VPS35L: variants seen among roughly 807,000 people sequenced by gnomAD.
The protein encoded by VPS35L is VPS35 endosomal protein sorting factor like.
In VPS35L, 83 loss-of-function variants were observed where a neutral mutation model predicts 133.0. The observed-to-expected ratio is 0.62, with a 90% CI of 0.52 to 0.75. The LOEUF (loss-of-function observed/expected upper bound fraction) is 0.75. Among genes scored for constraint, VPS35L ranks in the 30% least tolerant of loss-of-function variants. The pLI is 0.00. For missense variants in VPS35L, 1,083 were observed against 1,206.8 expected (o/e 0.90, Z 1.52); for synonymous variants, 423 against 449.9 (o/e 0.94, Z 0.76).
intron 8 of VPS35L, among the ~76,000 whole-genome samples, chr16:19,599,190 A>T (rs892081067): frequency 6.6e-6 from 1 of 152,246 alleles, no homozygotes; most frequent in Non-Finnish European, 1.5e-5. Flanking sequence ...AGTGCTTCTC[A>T]TACTCAGCTG....
chr16:19,628,375 A>G (rs1483689247), intron 16 of VPS35L, among the ~76,000 whole-genome samples: 1 of 152,198 alleles, frequency 6.6e-6, no homozygotes, highest in Non-Finnish European at 1.5e-5. Context: ...ACAAAAGGAT[A>G]TATCTTCATT....
At chr16:19,645,819 A>C (rs1312381275) in intron 23 of VPS35L, among the ~76,000 whole-genome samples, 2 of 152,258 alleles carry the variant, frequency 1.3e-5, no homozygotes, top group Non-Finnish European at 2.9e-5. Context: ...GTCCTGAAGC[A>C]GCTGATGCAG....
intron 26 of VPS35L, among the ~76,000 whole-genome samples, chr16:19,653,568 C>G (rs187368075): frequency 5.3e-5 from 8 of 152,332 alleles, no homozygotes; most frequent in Non-Finnish European, 8.8e-5. Flanking sequence ...AAGGCCATGC[C>G]CCTTCACCAC....
At chr16:19,606,639 T>A (rs1972545369) in intron 9 of VPS35L, among the ~76,000 whole-genome samples, 1 of 152,210 alleles carries the variant, frequency 6.6e-6, no homozygotes, top group Non-Finnish European at 1.5e-5. Flanking sequence ...TTTGATCACC[T>A]TCATATACTA....
At chr16:19,662,617 G>C (rs1184872858) in intron 26 of VPS35L, among the ~76,000 whole-genome samples, 1 of 152,128 alleles carries the variant, frequency 6.6e-6, no homozygotes, top group Non-Finnish European at 1.5e-5. Context: ...GATGATCAAA[G>C]GTCGGTCTTA....
At chr16:19,575,561 T>TAAA (rs376319436) in intron 5 of VPS35L, among the ~76,000 whole-genome samples, 1 of 126,572 alleles carries the variant, frequency 7.9e-6, no homozygotes, top group Non-Finnish European at 1.7e-5. Flanking sequence ...AATGCCGTCT[T>TAAA]AAAAAAAAAA....
intron 22 of VPS35L, among the ~76,000 whole-genome samples, chr16:19,642,771 C>T (rs564054708): frequency 6.6e-6 from 1 of 152,220 alleles, no homozygotes; most frequent in African/African-American, 2.4e-5. Flanking sequence ...CTGAGAGCAG[C>T]AGATAGTGTA....
chr16:19,618,912 T>C (rs972396024), intron 14 of VPS35L, among the ~76,000 whole-genome samples: 1 of 150,738 alleles, frequency 6.6e-6, no homozygotes, highest in African/African-American at 2.4e-5. Flanking sequence ...TATTTTTCTT[T>C]GCCTATCTGT....
At chr16:19,635,827 G>T in intron 19 of VPS35L, among the ~76,000 whole-genome samples, 1 of 152,180 alleles carries the variant, frequency 6.6e-6, no homozygotes, top group East Asian at 1.9e-4. Flanking sequence ...TTTGGGTAAA[G>T]AATATATGGG....
chr16:19,581,708 T>C (rs739640), intron 7 of VPS35L, 55 bp downstream of exon 7: 17,858 of 1,464,100 alleles, frequency 0.012, 149 homozygotes, highest in Middle Eastern at 0.022. Flanking sequence ...AAAATTCCAC[T>C]GTGAGACTTA....
intron 21 of VPS35L, among the ~76,000 whole-genome samples, chr16:19,640,821 C>T (rs1973763967): frequency 6.6e-6 from 1 of 152,196 alleles, no homozygotes; most frequent in Non-Finnish European, 1.5e-5. Context: ...TTACGGTTCA[C>T]TGCAGCTTTG....
chr16:19,594,558 C>T (rs867239142), intron 8 of VPS35L, among the ~76,000 whole-genome samples: 3 of 140,106 alleles, frequency 2.1e-5, no homozygotes, highest in African/African-American at 5.3e-5. Context: ...GCAGGAGAAT[C>T]GCTTGAACCC....
Position 19,608,293 on chromosome 16 carries a change from T to C in VPS35L, c.881+19T>C. 1.4e-6 allele frequency: 2 copies of C among 1,454,436 alleles called. No homozygotes were observed. Among genetic ancestry groups the C allele is most frequent in the East Asian group, 4.5e-5 (2 of 44,124 alleles). 90.1% of individuals were successfully genotyped at this position (1,454,436 alleles called of 1,614,324 possible). A position where few individuals can be genotyped will look rare whatever the true frequency, so the allele number is the denominator to read the frequency against. On this transcript the variant is annotated intron_variant, in intron 10 of 30. Coordinates refer to ENST00000417362, the MANE Select transcript of VPS35L (RefSeq NM_020314.7). ...CAAGATTGTATCCTTTTTTTTTTTT[T>C]TGGTCTGATGATTTTAAAGATAGGC...
At chr16:19,584,694 GT>G (rs887257382) in intron 7 of VPS35L, among the ~76,000 whole-genome samples, 2 of 137,846 alleles carry the variant, frequency 1.5e-5, no homozygotes, top group African/African-American at 5.4e-5. Flanking sequence ...CTTTCTTTTT[GT>G]TTTTTTTTAT....
chr16:19,659,539 G>A (rs923910101), intron 26 of VPS35L, among the ~76,000 whole-genome samples: 6 of 152,168 alleles, frequency 3.9e-5, no homozygotes, highest in African/African-American at 1.4e-4. Flanking sequence ...AATGTATAAG[G>A]TATTTAATTG....
Position 19,633,090 on chromosome 16 carries a change from A to G in VPS35L, c.1555-2A>G. 1 of 1,614,076 alleles carries G rather than the reference A, an allele frequency of 6.2e-7. No individual in the cohort carries two copies. The highest frequency in any genetic ancestry group is 2.2e-5 in the East Asian group (1 of 44,894). Reference sequence around the variant, plus strand: ...CAGGTTTGGTTCCTTTTTCCTGCTTAGAAACGAGAGGTGAATACCGTTTTG... The same window carrying G: ...CAGGTTTGGTTCCTTTTTCCTGCTTGGAAACGAGAGGTGAATACCGTTTTG... On this transcript the variant is annotated splice_acceptor_variant, in intron 18 of 30. Transcript: ENST00000417362. LOFTEE classifies it high-confidence loss of function. The surrounding 1 kb of genome is among the most constrained non-coding windows in gnomAD (Gnocchi z 4.1).
At chr16:19,559,592 AG>A (rs1335289081) in intron 1 of VPS35L, among the ~76,000 whole-genome samples, 1 of 152,246 alleles carries the variant, frequency 6.6e-6, no homozygotes, top group African/African-American at 2.4e-5. Flanking sequence ...TCTCAGACTT[AG>A]GGATCAGAGA....
chr16:19,693,957 A>T (rs1222667244), intron 29 of VPS35L: 1 of 112,478 alleles, frequency 8.9e-6, no homozygotes, highest in Admixed American at 8.1e-5. Context: ...TCCAAAAAAA[A>T]AGAAAAAAAA....
intron 8 of VPS35L, among the ~76,000 whole-genome samples, chr16:19,593,271 AC>A (rs1219337428): frequency 6.6e-6 from 1 of 152,180 alleles, no homozygotes; most frequent in Admixed American, 6.5e-5. Flanking sequence ...CCCCACCAGA[AC>A]CAGGAAATAG....
Sources: gnomAD v4.1 joint callset for allele counts (sites outside exome capture counted in the v4.1 genomes callset) on GRCh38, gnomAD v4.1.1 for gene constraint, Gnocchi (gnomAD v3.1) non-coding constraint, MANE v1.5 for transcripts, NCBI Gene and HGNC (gene_info 2026-07-23, HGNC 2026-07-21) for gene names.